Variants in ERC2 observed in about 807,000 individuals in gnomAD.
ERC2 encodes the protein ERC protein 2.
In ERC2, 42 loss-of-function variants were observed where a neutral mutation model predicts 114.8. The ratio of observed to expected loss-of-function variants is 0.37; its 90% CI spans 0.29 to 0.47. The LOEUF (loss-of-function observed/expected upper bound fraction) is 0.47, where lower values mean the gene tolerates loss of function less well. Ranked by LOEUF, ERC2 falls within the 20% of genes least tolerant of loss-of-function variation. The pLI, the probability that ERC2 is intolerant of heterozygous loss-of-function variation, is 0.99. For synonymous variants in ERC2, 454 were observed against 425.5 expected (o/e 1.07, Z -0.82); for missense variants, 939 against 1,150.7 (o/e 0.82, Z 2.66).
intron 2 of ERC2, among the ~76,000 whole-genome samples, chr3:56,373,555 C>G (rs146109967): frequency 6.6e-6 from 1 of 152,080 alleles, no homozygotes; most frequent in African/African-American, 2.4e-5. Flanking sequence ...ACCATCCTCA[C>G]CCCTCCCAAT....
chr3:55,980,806 G>A (rs1168482471), intron 12 of ERC2, among the ~76,000 whole-genome samples: 3 of 151,416 alleles, frequency 2.0e-5, no homozygotes, highest in Non-Finnish European at 2.9e-5. Flanking sequence ...CTCTTATTCT[G>A]GGTCATGACT....
chr3:56,086,722 T>C (rs992253656), intron 6 of ERC2, among the ~76,000 whole-genome samples: 1 of 152,084 alleles, frequency 6.6e-6, no homozygotes, highest in South Asian at 2.1e-4. Flanking sequence ...GAATATCTAG[T>C]TCCAAATTAG....
chr3:56,454,559 T>C (rs1355588661), intron 1 of ERC2, among the ~76,000 whole-genome samples: 1 of 151,846 alleles, frequency 6.6e-6, no homozygotes, highest in Non-Finnish European at 1.5e-5. Flanking sequence ...ATAAAGAAAA[T>C]GAAGTATACA....
chr3:55,824,228 CA>C (rs2060239052), intron 14 of ERC2, among the ~76,000 whole-genome samples: 1 of 152,052 alleles, frequency 6.6e-6, no homozygotes, highest in East Asian at 1.9e-4. Context: ...AGGGGGTGGC[CA>C]AAATTTTGCC....
At chr3:56,414,685 A>G (rs1367925067) in intron 2 of ERC2, among the ~76,000 whole-genome samples, 2 of 151,084 alleles carry the variant, frequency 1.3e-5, no homozygotes, top group African/African-American at 4.9e-5. Flanking sequence ...AGATCATGCC[A>G]CTACGCTCCA....
At chr3:55,927,740 C>G (rs527236229) in intron 13 of ERC2, among the ~76,000 whole-genome samples, 1 of 152,236 alleles carries the variant, frequency 6.6e-6, no homozygotes, top group East Asian at 1.9e-4. Flanking sequence ...TCCCCACTCC[C>G]CGACTCCAAC....
At chr3:55,999,500 A>T (rs886880115) in intron 10 of ERC2, among the ~76,000 whole-genome samples, 3 of 152,128 alleles carry the variant, frequency 2.0e-5, no homozygotes, top group African/African-American at 7.2e-5. Context: ...ATCTTATTTA[A>T]CAAAAAACAA....
chr3:56,080,706 T>C, intron 7 of ERC2, 111 bp downstream of exon 7: 2 of 1,091,532 alleles, frequency 1.8e-6, no homozygotes, highest in East Asian at 2.4e-5. Flanking sequence ...AATCAGCCTA[T>C]TCTTCCTAAA....
chr3:56,135,037 C>T (rs1459593094), intron 6 of ERC2, among the ~76,000 whole-genome samples: 1 of 151,858 alleles, frequency 6.6e-6, no homozygotes, highest in Non-Finnish European at 1.5e-5. Context: ...ATTGCAACTT[C>T]TGCCTCCCAG....
chr3:56,313,627 G>A (rs2056727332), intron 2 of ERC2, among the ~76,000 whole-genome samples: 1 of 152,180 alleles, frequency 6.6e-6, no homozygotes, highest in African/African-American at 2.4e-5. Context: ...GAAGGAAGCA[G>A]TACGCAGCAT....
chr3:56,344,392 T>C (rs571255899), intron 2 of ERC2, among the ~76,000 whole-genome samples: 15 of 152,272 alleles, frequency 9.9e-5, no homozygotes, highest in Middle Eastern at 6.8e-3. Flanking sequence ...TGTCTTCAGA[T>C]GGTCTGTTGA....
chr3:55,800,004 A>T (rs1047655088), intron 14 of ERC2, among the ~76,000 whole-genome samples: 3 of 152,208 alleles, frequency 2.0e-5, no homozygotes, highest in African/African-American at 7.2e-5. Flanking sequence ...TAAAGCCATC[A>T]AGGACCGAGA....
chr3:55,898,917 C>A (rs556493380), intron 13 of ERC2, among the ~76,000 whole-genome samples: 2 of 152,290 alleles, frequency 1.3e-5, no homozygotes, highest in East Asian at 3.9e-4. Flanking sequence ...AGAGAAGCAT[C>A]GCACAGTAGA....
intron 15 of ERC2, among the ~76,000 whole-genome samples, chr3:55,715,629 G>T (rs978870819): frequency 6.6e-6 from 1 of 152,140 alleles, no homozygotes; most frequent in African/African-American, 2.4e-5. Flanking sequence ...AAGGTATGCT[G>T]TGGGGTGTTT....
At chr3:55,674,513 T>C (rs1257541241) in intron 17 of ERC2, among the ~76,000 whole-genome samples, 1 of 152,144 alleles carries the variant, frequency 6.6e-6, no homozygotes, top group East Asian at 1.9e-4. Flanking sequence ...AAGTAATACA[T>C]GAGGAAAATG....
At chr3:55,742,602 A>G (rs1387545674) in intron 14 of ERC2, among the ~76,000 whole-genome samples, 1 of 152,194 alleles carries the variant, frequency 6.6e-6, no homozygotes, top group Non-Finnish European at 1.5e-5. Flanking sequence ...TGTTCTAATC[A>G]TATTGTGGGG....
intron 15 of ERC2, among the ~76,000 whole-genome samples, chr3:55,699,984 A>G (rs1309448184): frequency 6.6e-6 from 1 of 152,174 alleles, no homozygotes; most frequent in Non-Finnish European, 1.5e-5. Flanking sequence ...AGAAAAATCC[A>G]CTTGAACGCT....
intron 3 of ERC2, among the ~76,000 whole-genome samples, chr3:56,176,152 A>T (rs1468968708): frequency 6.6e-6 from 1 of 152,234 alleles, no homozygotes; most frequent in Non-Finnish European, 1.5e-5. Context: ...TTCATTTCAT[A>T]GATCACCCAT....
intron 2 of ERC2, among the ~76,000 whole-genome samples, chr3:56,365,503 A>C (rs1271686569): frequency 1.3e-5 from 2 of 152,264 alleles, no homozygotes; most frequent in African/African-American, 4.8e-5. Context: ...CCAGTCATTA[A>C]GTGATGCATG....
Sources: allele counts gnomAD v4.1 joint callset (sites outside exome capture counted in the v4.1 genomes callset), GRCh38; gene constraint gnomAD v4.1.1; transcripts MANE v1.5; gene names NCBI Gene and HGNC (gene_info 2026-07-23, HGNC 2026-07-21).